The following WDPCP variants were observed in gnomAD, a reference collection of about 807,000 sequenced individuals.
WDPCP encodes the protein WD repeat-containing and planar cell polarity effector protein fritz homolog.
WDPCP carries 71 observed loss-of-function variants against 93.1 expected under a neutral mutation model. That is an observed-to-expected ratio of 0.76 (90% CI 0.63 to 0.93). The LOEUF (loss-of-function observed/expected upper bound fraction) is 0.93, where lower values mean the gene tolerates loss of function less well. WDPCP is among the 40% of genes least tolerant of loss of function. The pLI is 0.00. For synonymous variants in WDPCP, 315 were observed against 315.0 expected, an observed-to-expected ratio of 1.00 and a Z score of 0.00; for missense variants, 844 against 887.4, an observed-to-expected ratio of 0.95 and a Z score of 0.62.
intron 17 of WDPCP, among the ~76,000 whole-genome samples, chr2:63,143,840 T>A (rs572975096): frequency 3.3e-5 from 5 of 152,350 alleles, no homozygotes; most frequent in African/African-American, 1.2e-4. Flanking sequence ...CTTTATAGGT[T>A]ACTTGGTTCT....
chr2:63,565,093 A>G (rs756771776), intron 1 of WDPCP, among the ~76,000 whole-genome samples: 2 of 152,134 alleles, frequency 1.3e-5, no homozygotes, highest in Non-Finnish European at 2.9e-5. Flanking sequence ...CACTTTTTAA[A>G]AAGATCAGAC....
chr2:63,382,098 T>A lies in WDPCP; in HGVS notation c.1436-4A>T. 1 of 1,611,746 alleles carries A rather than the reference T, an allele frequency of 6.2e-7. No individual in the cohort carries two copies. Among genetic ancestry groups the A allele is most frequent in the Non-Finnish European group, 8.5e-7 (1 of 1,179,018 alleles). On this transcript the variant is annotated splice_region_variant and splice_polypyrimidine_tract_variant and intron_variant, in intron 10 of 17. Coordinates refer to ENST00000272321, the MANE Select transcript of WDPCP (RefSeq NM_015910.7). ...AGCTGTCCTCGAGTGAAGACGCCTA[T>A]CACAAAACATGGAAAACCAGGTGAA...
chr2:63,813,054 T>C (rs1558917228), intron 2 of WDPCP, among the ~76,000 whole-genome samples: 1 of 151,974 alleles, frequency 6.6e-6, no homozygotes, highest in Non-Finnish European at 1.5e-5. Flanking sequence ...GAGGTCTCAC[T>C]ACGTTGCCCA....
chr2:63,462,071 T>C (rs1005636766), intron 6 of WDPCP, among the ~76,000 whole-genome samples: 2 of 152,182 alleles, frequency 1.3e-5, no homozygotes, highest in African/African-American at 4.8e-5. Flanking sequence ...TGCGGCACTA[T>C]TCACAATAGC....
chr2:63,505,388 C>T (rs937871677), intron 1 of WDPCP, among the ~76,000 whole-genome samples: 1 of 151,844 alleles, frequency 6.6e-6, no homozygotes, highest in African/African-American at 2.4e-5. Context: ...TCAATTTCGC[C>T]GTACTATATT....
chr2:63,421,732 G>A (rs1489797590), intron 9 of WDPCP, among the ~76,000 whole-genome samples: 1 of 151,978 alleles, frequency 6.6e-6, no homozygotes, highest in African/African-American at 2.4e-5. Context: ...TTAAACTAAA[G>A]GGCAAAACCC....
intron 1 of WDPCP, chr2:63,518,463 G>A (rs1702701114): frequency 1.3e-5 from 2 of 152,346 alleles, no homozygotes. Context: ...GGTAGCAGGA[G>A]GCCCCATAAT....
At chr2:63,788,033 T>C (rs1366961742) in intron 2 of WDPCP, among the ~76,000 whole-genome samples, 2 of 151,854 alleles carry the variant, frequency 1.3e-5, no homozygotes, top group Non-Finnish European at 2.9e-5. Flanking sequence ...AGAACAAGAC[T>C]CTGTCTCAAA....
At chr2:63,440,415 TTAAG>T (rs1424292513) in intron 6 of WDPCP, 3 of 152,232 alleles carry the variant, frequency 2.0e-5, no homozygotes, top group African/African-American at 7.2e-5. Flanking sequence ...ATCAAGGCAA[TTAAG>T]TAAAATGTTA....
At chr2:63,450,980 C>A (rs970839593) in intron 6 of WDPCP, among the ~76,000 whole-genome samples, 4 of 151,834 alleles carry the variant, frequency 2.6e-5, no homozygotes, top group Admixed American at 6.6e-5. Flanking sequence ...TATAATAATC[C>A]CCCAACATCG....
Position 63,671,844 on chromosome 2 carries a change from C to T in WDPCP, n.309-21006G>A, listed in dbSNP as rs549073834. 3.9e-5 allele frequency among the ~76,000 whole-genome samples: 6 copies of T among 152,298 alleles called. No homozygotes were observed. In the East Asian group the frequency reaches 1.2e-3, roughly 29 times the overall value. The stretch of plus-strand genomic sequence containing the variant: ...AATGCAAGGCCTAAATCAGTGCTTA[C>T]TCAATTATACTAACAGACCCTTACC... On this transcript the variant is annotated intron_variant and non_coding_transcript_variant, in intron 2 of 4. Transcript: ENST00000467687.
At position 63,646,532 on chromosome 2, in the gene WDPCP, A is replaced by AT. The variant is rs1297230085; in HGVS notation, n.488+4126dup. On this transcript the variant is annotated intron_variant and non_coding_transcript_variant, in intron 3 of 4. Transcript: ENST00000467687. Reference sequence around the variant, plus strand: ...AGGTGATTACATACTGCTTGTTCACATTTTTTTTTTCTTTCTGATTTAAGT... The same window carrying AT: ...AGGTGATTACATACTGCTTGTTCACATTTTTTTTTTTCTTTCTGATTTAAGT... Among the ~76,000 whole-genome samples, 663 of 148,300 alleles carry AT rather than the reference A, an allele frequency of 4.5e-3. 5 individuals are homozygous for AT. The highest frequency in any genetic ancestry group is 0.015 in the African/African-American group (596 of 40,556).
intron 12 of WDPCP, among the ~76,000 whole-genome samples, chr2:63,329,617 A>AT (rs1687831468): frequency 6.6e-6 from 1 of 152,034 alleles, no homozygotes; most frequent in Non-Finnish European, 1.5e-5. Context: ...ATGTTTCTCA[A>AT]TTTTTTTCAT....
intron 6 of WDPCP, among the ~76,000 whole-genome samples, chr2:63,459,413 G>A (rs1698855515): frequency 6.6e-6 from 1 of 151,930 alleles, no homozygotes; most frequent in Non-Finnish European, 1.5e-5. Flanking sequence ...CAAAGTACAT[G>A]AATAGACATT....
At chr2:63,650,990 C>T (rs1311584900) in intron 2 of WDPCP, among the ~76,000 whole-genome samples, 1 of 152,106 alleles carries the variant, frequency 6.6e-6, no homozygotes, top group East Asian at 1.9e-4. Context: ...CTTGGATGTA[C>T]AGGGCTTTGG....
At chr2:63,430,734 T>C (rs888947567) in intron 9 of WDPCP, among the ~76,000 whole-genome samples, 1 of 151,650 alleles carries the variant, frequency 6.6e-6, no homozygotes, top group Non-Finnish European at 1.5e-5. Context: ...ATACAAAAAC[T>C]AGCTGGGCGT....
intron 2 of WDPCP, among the ~76,000 whole-genome samples, chr2:63,685,060 A>G (rs976805367): frequency 1.3e-5 from 2 of 152,310 alleles, no homozygotes; most frequent in African/African-American, 4.8e-5. Flanking sequence ...ATAAAGAACT[A>G]GAAAAGAAAG....
At chr2:63,813,534 C>T (rs1670889202) in intron 2 of WDPCP, 1 of 152,168 alleles carries the variant, frequency 6.6e-6, no homozygotes, top group Non-Finnish European at 1.5e-5. Context: ...CAGGACATGC[C>T]TATGCACAAG....
At chr2:63,255,065 C>T (rs1045167613) in intron 14 of WDPCP, among the ~76,000 whole-genome samples, 1 of 151,972 alleles carries the variant, frequency 6.6e-6, no homozygotes, top group Non-Finnish European at 1.5e-5. Flanking sequence ...GAGAAGTATT[C>T]GATAAAATTC....
Sources: gnomAD v4.1 joint callset for allele counts (sites outside exome capture counted in the v4.1 genomes callset) on GRCh38, gnomAD v4.1.1 for gene constraint, MANE v1.5 for transcripts, NCBI Gene and HGNC (gene_info 2026-07-23, HGNC 2026-07-21) for gene names.